The following UHRF2 variants were observed in gnomAD, a reference collection of about 807,000 sequenced individuals.
UHRF2 encodes ubiquitin like with PHD and ring finger domains 2.
UHRF2 carries 23 observed loss-of-function variants against 96.8 expected under a neutral mutation model. The observed-to-expected ratio is 0.24, with a 90% CI of 0.17 to 0.34. UHRF2 has a LOEUF of 0.34. Ranked by LOEUF, UHRF2 falls within the 10% of genes least tolerant of loss-of-function variation. The probability of loss-of-function intolerance (pLI) is 1.00; values close to 1 mark genes in which losing one functional copy is unlikely to be tolerated. For missense variants in UHRF2, 685 were observed against 981.5 expected (o/e 0.70, Z 4.04); for synonymous variants, 385 against 332.6 (o/e 1.16, Z -1.72).
intron 4 of UHRF2, chr9:6,468,686 G>C: frequency 4.4e-6 from 2 of 456,032 alleles, no homozygotes. Flanking sequence ...ACTTCTGCTG[G>C]ACAAGAGGCT....
Position 6,413,451 on chromosome 9 carries a change from G to A in UHRF2, c.-40G>A, listed in dbSNP as rs1352301576. Reference sequence around the variant, plus strand: ...GGCGGGGCGCGGCGCCCAGAGCTCAGGGGGAGACAAAGGGGACCGGTTCCT... The same window carrying A: ...GGCGGGGCGCGGCGCCCAGAGCTCAAGGGGAGACAAAGGGGACCGGTTCCT... On this transcript the variant is annotated 5_prime_UTR_variant, in exon 1 of 16. Coordinates refer to ENST00000276893, the MANE Select transcript of UHRF2 (RefSeq NM_152896.3). 4 of 1,472,142 alleles carry A rather than the reference G, an allele frequency of 2.7e-6. No homozygotes were observed. The highest frequency in any genetic ancestry group is 5.5e-5 in the East Asian group (2 of 36,074). The allele number at this position is 1,472,142 out of a possible 1,614,324, so 91.2% of individuals were successfully genotyped here.
At chr9:6,434,475 C>A in intron 3 of UHRF2, 1 of 230,928 alleles carries the variant, frequency 4.3e-6, no homozygotes, top group South Asian at 7.9e-5. Context: ...CTCTCTCTGT[C>A]GCCCAAGTTG....
intron 3 of UHRF2, among the ~76,000 whole-genome samples, chr9:6,459,514 C>G (rs1381439526): frequency 6.6e-6 from 1 of 152,024 alleles, no homozygotes; most frequent in Admixed American, 6.6e-5. Context: ...ACTAAAAATT[C>G]AAAAATTAAC....
Position 6,494,039 on chromosome 9 carries a change from A to C in UHRF2, c.1604+107A>C, listed in dbSNP as rs1824826317. 3 of 936,120 alleles carry C rather than the reference A, an allele frequency of 3.2e-6. No individual in the cohort carries two copies. The East Asian group carries it at 8.1e-5, about 25-fold the overall frequency. The allele number at this position is 936,120 out of a possible 1,614,324, so 58.0% of individuals were successfully genotyped here. On this transcript the variant is annotated intron_variant, in intron 10 of 15. Coordinates refer to ENST00000276893, the MANE Select transcript of UHRF2 (RefSeq NM_152896.3). ...GAGGAGAATTTCAAACTGGGAGTTA[A>C]AGATCTGAAATTAAAATTCCAGTGC...
intron 3 of UHRF2, among the ~76,000 whole-genome samples, chr9:6,456,380 G>T (rs941791650): frequency 2.6e-5 from 4 of 152,114 alleles, no homozygotes; most frequent in Non-Finnish European, 4.4e-5. Flanking sequence ...TTTTGATGGG[G>T]TGGTTTGTTT....
chr9:6,476,591 G>GTTTGTTT (rs1324771905), intron 5 of UHRF2, among the ~76,000 whole-genome samples: 2 of 151,852 alleles, frequency 1.3e-5, no homozygotes, highest in Non-Finnish European at 2.9e-5. Context: ...GGCTTTTTTT[G>GTTTGTTT]TTTGTTTTTT....
chr9:6,500,825 C>G (rs1816252984), intron 14 of UHRF2, 116 bp downstream of exon 14: 6 of 958,574 alleles, frequency 6.3e-6, no homozygotes, highest in Non-Finnish European at 3.0e-6. Flanking sequence ...ACCCGGTTTT[C>G]TAATCCAGTG....
intron 4 of UHRF2, among the ~76,000 whole-genome samples, chr9:6,469,391 G>T (rs1054624699): frequency 2.6e-5 from 4 of 151,958 alleles, no homozygotes; most frequent in African/African-American, 9.7e-5. Flanking sequence ...GGTGGCAGGT[G>T]CCTGTAGTCC....
chr9:6,446,535 C>G (rs539582624), intron 3 of UHRF2, among the ~76,000 whole-genome samples: 1 of 152,026 alleles, frequency 6.6e-6, no homozygotes, highest in Non-Finnish European at 1.5e-5. Flanking sequence ...TCTGCCTCAG[C>G]CCCGGTCTAC....
intron 2 of UHRF2, among the ~76,000 whole-genome samples, chr9:6,430,750 C>G (rs916054270): frequency 4.6e-5 from 7 of 152,144 alleles, no homozygotes; most frequent in South Asian, 4.1e-4. Flanking sequence ...CCTTGCCTTT[C>G]CCATGGAAAA....
intron 2 of UHRF2, among the ~76,000 whole-genome samples, chr9:6,432,579 A>G (rs1409199054): frequency 6.6e-6 from 1 of 152,192 alleles, no homozygotes; most frequent in Non-Finnish European, 1.5e-5. Context: ...GTATTTTGTA[A>G]AATAGGAATT....
At chr9:6,499,622 C>A in intron 12 of UHRF2, 2 of 352,378 alleles carry the variant, frequency 5.7e-6, no homozygotes, top group Non-Finnish European at 5.3e-6. Flanking sequence ...AAAATGGAAT[C>A]TCTTAGCAGT....
intron 3 of UHRF2, among the ~76,000 whole-genome samples, chr9:6,457,539 C>G (rs1023869568): frequency 4.6e-5 from 7 of 152,168 alleles, no homozygotes; most frequent in Non-Finnish European, 8.8e-5. Flanking sequence ...ACTTCCAACA[C>G]TCTGTTGAAC....
At chr9:6,445,493 T>A (rs1821434535) in intron 3 of UHRF2, among the ~76,000 whole-genome samples, 2 of 152,162 alleles carry the variant, frequency 1.3e-5, no homozygotes, top group African/African-American at 4.8e-5. Context: ...ACTCCTGACC[T>A]CAAGTGATCC....
chr9:6,475,374 C>G lies in UHRF2; in HGVS notation c.864-17C>G. ...ATTTTGCTGGCAGAAGTTAACCTTT[C>G]TTCCTTTTTTAAACAGGGGTTCTGA... On this transcript the variant is annotated splice_polypyrimidine_tract_variant and intron_variant, in intron 4 of 15. Transcript: ENST00000276893. 6.1e-6 allele frequency: 9 copies of G among 1,472,060 alleles called. No homozygotes were observed. Among genetic ancestry groups the G allele is most frequent in the Non-Finnish European group, 8.2e-6 (9 of 1,102,548 alleles). The allele number at this position is 1,472,060 out of a possible 1,614,324, so 91.2% of individuals were successfully genotyped here.
chr9:6,458,511 CT>C (rs1475649457), intron 3 of UHRF2, among the ~76,000 whole-genome samples: 1 of 150,362 alleles, frequency 6.7e-6, no homozygotes, highest in African/African-American at 2.4e-5. Context: ...CTGCTCTCAT[CT>C]TAGTTATTTC....
At chr9:6,427,073 T>C (rs1820303500) in intron 2 of UHRF2, among the ~76,000 whole-genome samples, 2 of 152,164 alleles carry the variant, frequency 1.3e-5, no homozygotes, top group Non-Finnish European at 2.9e-5. Flanking sequence ...TATATTTGCA[T>C]TGGGTTTTTT....
At chr9:6,453,216 C>T (rs568387285) in intron 3 of UHRF2, among the ~76,000 whole-genome samples, 6 of 152,150 alleles carry the variant, frequency 3.9e-5, no homozygotes, top group Non-Finnish European at 8.8e-5. Flanking sequence ...TCCATATAAA[C>T]ATAACTGTAT....
chr9:6,473,827 C>T (rs1054044659), intron 4 of UHRF2, among the ~76,000 whole-genome samples: 2 of 152,100 alleles, frequency 1.3e-5, no homozygotes, highest in Admixed American at 1.3e-4. Flanking sequence ...AGTTTTTTGA[C>T]CTACGCTCCA....
Sources: gnomAD v4.1 joint callset for allele counts (sites outside exome capture counted in the v4.1 genomes callset) on GRCh38, gnomAD v4.1.1 for gene constraint, MANE v1.5 for transcripts, NCBI Gene and HGNC (gene_info 2026-07-23, HGNC 2026-07-21) for gene names.